The following BARX2 variants were observed in gnomAD, a reference collection of about 807,000 sequenced individuals.
The protein encoded by BARX2 is BARX homeobox 2.
In BARX2, 11 loss-of-function variants were observed where a neutral mutation model predicts 25.5. The ratio of observed to expected loss-of-function variants is 0.43; its 90% CI spans 0.27 to 0.71. The LOEUF is 0.71. Ranked by LOEUF, BARX2 falls within the 30% of genes least tolerant of loss-of-function variation. The pLI is 0.19. For missense variants in BARX2, 360 were observed against 359.9 expected (o/e 1.00, Z 0.00); for synonymous variants, 137 against 149.5 (o/e 0.92, Z 0.61).
chr11:129,414,238 G>T (rs112200853), intron 1 of BARX2, among the ~76,000 whole-genome samples: 1 of 151,860 alleles, frequency 6.6e-6, no homozygotes, highest in Non-Finnish European at 1.5e-5. Flanking sequence ...TTTCTGACAC[G>T]GTTTAAGTTC....
chr11:129,436,659 C>T lies in BARX2; in HGVS notation c.188-92C>T. 7.2e-7 allele frequency: 1 copy of T among 1,393,460 alleles called. No homozygotes were observed. Among genetic ancestry groups the T allele is most frequent in the South Asian group, 1.4e-5 (1 of 70,422 alleles). The allele number at this position is 1,393,460 out of a possible 1,614,324, so 86.3% of individuals were successfully genotyped here. On this transcript the variant is annotated intron_variant, in intron 1 of 3. Transcript: ENST00000281437. The surrounding 1 kb of genome is among the most constrained non-coding windows in gnomAD (Gnocchi z 4.5). Reference sequence around the variant, plus strand: ...TCCTTAAGAGCAGGGCCCTCCCTGTCAGACAGACCTCAGCCAGCGGCCCTC... The same window carrying T: ...TCCTTAAGAGCAGGGCCCTCCCTGTTAGACAGACCTCAGCCAGCGGCCCTC...
chr11:129,443,861 G>A (rs1248104069), intron 3 of BARX2, among the ~76,000 whole-genome samples: 2 of 152,000 alleles, frequency 1.3e-5, no homozygotes, highest in Non-Finnish European at 2.9e-5. Context: ...GAGGGGTGGC[G>A]ATAAGGGAAG....
chr11:129,449,496 T>C (rs1225623329), intron 3 of BARX2, among the ~76,000 whole-genome samples: 1 of 152,236 alleles, frequency 6.6e-6, no homozygotes, highest in African/African-American at 2.4e-5. Context: ...CTGGAAGCCC[T>C]TCTCACTAAC....
chr11:129,412,039 G>A (rs1225518460), intron 1 of BARX2, among the ~76,000 whole-genome samples: 2 of 152,130 alleles, frequency 1.3e-5, no homozygotes, highest in South Asian at 2.1e-4. Context: ...TTGGGAGGCC[G>A]AGGCAGGCAG....
chr11:129,434,921 G>A (rs1862172409), intron 1 of BARX2, among the ~76,000 whole-genome samples: 1 of 152,200 alleles, frequency 6.6e-6, no homozygotes, highest in African/African-American at 2.4e-5. Flanking sequence ...AAAAGAGAAA[G>A]GTGATACAAA....
rs1198952353 is a variant in BARX2 at position 129,436,482 on chromosome 11, A to AG, written c.188-265dup. ...GAATTTAGGGATTCCGAAGGGAGAG[A>AG]GGGGAAAGATCTGCTTAAAACCAGA... is the stretch of plus-strand genomic sequence containing the variant. On this transcript the variant is annotated intron_variant, in intron 1 of 3. Coordinates refer to ENST00000281437, the MANE Select transcript of BARX2 (RefSeq NM_003658.5). This position sits in a 1 kb window ranked among gnomAD's most constrained non-coding sequence, Gnocchi z 4.5. 3 of 389,078 alleles carry AG rather than the reference A, an allele frequency of 7.7e-6. No individual in the cohort carries two copies. The highest frequency in any genetic ancestry group is 4.4e-5 in the Admixed American group (1 of 22,610). 24.1% of individuals were successfully genotyped at this position (389,078 alleles called of 1,614,324 possible). A position where few individuals can be genotyped will look rare whatever the true frequency, so the allele number is the denominator to read the frequency against.
chr11:129,406,577 G>A (rs1224757124), intron 1 of BARX2, among the ~76,000 whole-genome samples: 1 of 151,900 alleles, frequency 6.6e-6, no homozygotes, highest in African/African-American at 2.4e-5. Context: ...GGTGGCTGCT[G>A]TGACAGTGCT....
At position 129,451,701 on chromosome 11, in the gene BARX2, T is replaced by C; in HGVS notation, c.*299T>C. 1 of 396,870 alleles carries C rather than the reference T, an allele frequency of 2.5e-6. No individual in the cohort carries two copies. The highest frequency in any genetic ancestry group is 4.6e-6 in the Non-Finnish European group (1 of 216,126). 24.6% of individuals were successfully genotyped at this position (396,870 alleles called of 1,614,324 possible). A position where few individuals can be genotyped will look rare whatever the true frequency, so the allele number is the denominator to read the frequency against. On this transcript the variant is annotated 3_prime_UTR_variant, in exon 4 of 4. Transcript: ENST00000281437. ...GGGGTGACGGCTGTAGGGCTGGGTC[T>C]ATGTTGCAAGCCCTATATCCTAGCA...
intron 1 of BARX2, among the ~76,000 whole-genome samples, chr11:129,403,532 C>T (rs1031390584): frequency 1.3e-5 from 2 of 152,096 alleles, no homozygotes; most frequent in Admixed American, 6.6e-5. Context: ...GGTGGTGCCC[C>T]GCTTCCCCTT....
chr11:129,393,696 A>C (rs1413120708), intron 1 of BARX2, among the ~76,000 whole-genome samples: 1 of 152,170 alleles, frequency 6.6e-6, no homozygotes, highest in Non-Finnish European at 1.5e-5. Context: ...TCTTACTGTT[A>C]ATATTTTTAA....
intron 2 of BARX2, among the ~76,000 whole-genome samples, chr11:129,438,612 GC>G (rs1862220916): frequency 6.6e-6 from 1 of 152,194 alleles, no homozygotes; most frequent in Non-Finnish European, 1.5e-5. Flanking sequence ...AGGGAATTTA[GC>G]TTCTGATTCT....
chr11:129,437,467 G>A, intron 2 of BARX2: 2 of 992,386 alleles, frequency 2.0e-6, no homozygotes, highest in Non-Finnish European at 2.4e-6. Flanking sequence ...GCCTCCAGCT[G>A]ATTCCCCACT....
chr11:129,376,312 A>C lies in BARX2; in HGVS notation c.187+90A>C. The C allele has an allele frequency of 7.9e-7, 1 of 1,262,908 alleles. No individual in the cohort carries two copies. The allele number at this position is 1,262,908 out of a possible 1,614,324, so 78.2% of individuals were successfully genotyped here. A position where few individuals can be genotyped will look rare whatever the true frequency, so the allele number is the denominator to read the frequency against. ...GCTTTGCGATCCGAGGGCGAGAGGA[A>C]GGGTTAAGTTAAGGGATTCTTTTCC... is the stretch of plus-strand genomic sequence containing the variant. On this transcript the variant is annotated intron_variant, in intron 1 of 3. Transcript: ENST00000281437. This position sits in a 1 kb window ranked among gnomAD's most constrained non-coding sequence, Gnocchi z 4.2.
At chr11:129,406,229 T>A (rs889185756) in intron 1 of BARX2, among the ~76,000 whole-genome samples, 7 of 152,256 alleles carry the variant, frequency 4.6e-5, no homozygotes, top group Non-Finnish European at 1.0e-4. Context: ...TTCATAAAAG[T>A]CACACAAATC....
chr11:129,402,512 G>A (rs539409764), intron 1 of BARX2, among the ~76,000 whole-genome samples: 1 of 152,182 alleles, frequency 6.6e-6, no homozygotes, highest in African/African-American at 2.4e-5. Context: ...ATATTCAAAT[G>A]TCACTGTTTC....
rs1448342280 is a variant in BARX2 at position 129,376,398 on chromosome 11, G to A, written c.187+176G>A. Among the ~76,000 whole-genome samples, 2 of 152,232 alleles carry A rather than the reference G, an allele frequency of 1.3e-5. No individual in the cohort carries two copies. The highest frequency in any genetic ancestry group is 4.8e-5 in the African/African-American group (2 of 41,466). On this transcript the variant is annotated intron_variant, in intron 1 of 3. Transcript: ENST00000281437. The surrounding 1 kb of genome is among the most constrained non-coding windows in gnomAD (Gnocchi z 4.2). ...CTGCGACGTGGCCGGGAAGGACCAC[G>A]CAAGGTGTGGATGGCACGAGTGGAA...
chr11:129,410,926 G>A (rs1192749698), intron 1 of BARX2, among the ~76,000 whole-genome samples: 1 of 152,114 alleles, frequency 6.6e-6, no homozygotes, highest in African/African-American at 2.4e-5. Flanking sequence ...CAGTATACAC[G>A]GTGCAGCCAC....
intron 3 of BARX2, among the ~76,000 whole-genome samples, chr11:129,447,706 A>C (rs889122241): frequency 6.6e-6 from 1 of 152,112 alleles, no homozygotes; most frequent in African/African-American, 2.4e-5. Flanking sequence ...GAAAACAGCC[A>C]GGTGGGGTCC....
chr11:129,451,501 T>C lies in BARX2; in HGVS notation c.*99T>C. 1 of 1,373,852 alleles carries C rather than the reference T, an allele frequency of 7.3e-7. No homozygotes were observed. Among genetic ancestry groups the C allele is most frequent in the Non-Finnish European group, 9.8e-7 (1 of 1,016,938 alleles). 85.1% of individuals were successfully genotyped at this position (1,373,852 alleles called of 1,614,324 possible). A position where few individuals can be genotyped will look rare whatever the true frequency, so the allele number is the denominator to read the frequency against. On this transcript the variant is annotated 3_prime_UTR_variant, in exon 4 of 4. Coordinates refer to ENST00000281437, the MANE Select transcript of BARX2 (RefSeq NM_003658.5). Reference sequence around the variant, plus strand: ...AAAACCTTCCAGCAGCCCAGTAAACTGCGGGCGAAGAGATCTACCCGTCTC... The same window carrying C: ...AAAACCTTCCAGCAGCCCAGTAAACCGCGGGCGAAGAGATCTACCCGTCTC...
Sources: gnomAD v4.1 joint callset for allele counts (sites outside exome capture counted in the v4.1 genomes callset) on GRCh38, gnomAD v4.1.1 for gene constraint, Gnocchi (gnomAD v3.1) non-coding constraint, MANE v1.5 for transcripts, NCBI Gene and HGNC (gene_info 2026-07-23, HGNC 2026-07-21) for gene names.